The following RPS3 variants were observed in gnomAD, a reference collection of about 807,000 sequenced individuals.
The protein encoded by RPS3 is small ribosomal subunit protein uS3.
In RPS3, 2 loss-of-function variants were observed where a neutral mutation model predicts 25.8. The observed-to-expected ratio is 0.08, with a 90% confidence interval of 0.03 to 0.24. RPS3 has a LOEUF of 0.24. Ranked by LOEUF, RPS3 falls within the 10% of genes least tolerant of loss-of-function variation. The probability of loss-of-function intolerance (pLI) is 1.00; values close to 1 mark genes in which losing one functional copy is unlikely to be tolerated. For missense variants in RPS3, 107 were observed against 307.1 expected (o/e 0.35, Z 4.87); for synonymous variants, 114 against 114.2 (o/e 1.00, Z 0.01).
chr11:75,419,503 G>A lies in RPS3; in HGVS notation c.*4-2224G>A, dbSNP rs546988447. 2.8e-4 allele frequency among the ~76,000 whole-genome samples: 42 copies of A among 150,998 alleles called. No homozygotes were observed. The South Asian group carries it at 8.4e-3, about 30-fold the overall frequency. On this transcript the variant is annotated intron_variant, in intron 6 of 6. Coordinates refer to the RPS3 transcript ENST00000527446. Reference sequence around the variant, plus strand: ...CAAGAGGCGGAGGTTGCAGTGAGCTGAAATTGTGCCACTGCACTCCAGCCT... The same window carrying A: ...CAAGAGGCGGAGGTTGCAGTGAGCTAAAATTGTGCCACTGCACTCCAGCCT...
downstream of RPS3, among the ~76,000 whole-genome samples, chr11:75,408,015 C>T (rs111723869): frequency 1.3e-5 from 2 of 152,122 alleles, no homozygotes; most frequent in Middle Eastern, 3.4e-3. Flanking sequence ...AGATTATTAG[C>T]GTAATAGATT....
At chr11:75,411,584 G>C (rs1300652347), downstream of RPS3, among the ~76,000 whole-genome samples, 1 of 151,088 alleles carries the variant, frequency 6.6e-6, no homozygotes, top group Admixed American at 6.6e-5. Flanking sequence ...TAGAGACGGG[G>C]TTTCACCATG....
chr11:75,405,216 A>G (rs775176943), intron 6 of RPS3: 10 of 193,080 alleles, frequency 5.2e-5, no homozygotes, highest in Non-Finnish European at 9.6e-5. Context: ...AGCTGGGATT[A>G]TAGGCACCTG....
chr11:75,411,425 T>A (rs768655541), downstream of RPS3, among the ~76,000 whole-genome samples: 1 of 152,202 alleles, frequency 6.6e-6, no homozygotes, highest in Non-Finnish European at 1.5e-5. Flanking sequence ...AGTCTCGCTC[T>A]GTCGCCCAGG....
In RPS3 at chr11:75,406,512, T is replaced by C. The variant is rs1948289938; in HGVS notation, c.*902T>C. 1 of 152,224 alleles carries C rather than the reference T, an allele frequency of 6.6e-6. No individual in the cohort carries two copies. 9.4% of individuals were successfully genotyped at this position (152,224 alleles called of 1,614,324 possible). ...TAGCAGGTGCTGTGATGATTTGGTTTTCTTCTCAATTAGACTGAGCTGCAC... is the reference window on the plus strand; with the variant it reads ...TAGCAGGTGCTGTGATGATTTGGTTCTCTTCTCAATTAGACTGAGCTGCAC... On this transcript the variant is annotated 3_prime_UTR_variant, in exon 7 of 7. Transcript: ENST00000531188.
chr11:75,402,201 C>A (rs1056337945), intron 3 of RPS3, 151 bp from the exon 4 acceptor site: 3 of 1,134,746 alleles, frequency 2.6e-6, no homozygotes, highest in African/African-American at 1.5e-5. Flanking sequence ...TGTGTTGGGC[C>A]ACAATCAAAG....
chr11:75,411,348 A>C (rs1221093663), downstream of RPS3, among the ~76,000 whole-genome samples: 2 of 151,718 alleles, frequency 1.3e-5, no homozygotes, highest in African/African-American at 4.8e-5. Context: ...CTCCCTAGAC[A>C]GTATAATGAA....
At position 75,404,518 on chromosome 11, in the gene RPS3, C is replaced by T. The variant is rs367920666; in HGVS notation, c.539-154C>T. ...TGGTGCTGTGCACGAGTTCCTTTGG[C>T]AGAAGTGTCCTATTTATTGATCGAT... On this transcript the variant is annotated intron_variant, in intron 5 of 6. Transcript: ENST00000531188. The surrounding 1 kb of genome is among the most constrained non-coding windows in gnomAD (Gnocchi z 4.6). 1 of 841,504 alleles carries T rather than the reference C, an allele frequency of 1.2e-6. No individual in the cohort carries two copies. The highest frequency in any genetic ancestry group is 2.1e-6 in the Non-Finnish European group (1 of 475,268). 52.1% of individuals were successfully genotyped at this position (841,504 alleles called of 1,614,324 possible).
chr11:75,409,142 T>C (rs1948317435), downstream of RPS3, among the ~76,000 whole-genome samples: 1 of 151,826 alleles, frequency 6.6e-6, no homozygotes, highest in South Asian at 2.1e-4. Flanking sequence ...CCACCATCTC[T>C]GACTAATTTT....
At chr11:75,408,610 C>A (rs1172704897), downstream of RPS3, among the ~76,000 whole-genome samples, 4 of 152,138 alleles carry the variant, frequency 2.6e-5, no homozygotes, top group African/African-American at 9.7e-5. Context: ...GACAGTCTTG[C>A]TCTGTCGCCC....
chr11:75,404,494 G>A lies in RPS3; in HGVS notation c.539-178G>A. 1.2e-6 allele frequency: 1 copy of A among 804,144 alleles called. No individual in the cohort carries two copies. The allele number at this position is 804,144 out of a possible 1,614,324, so 49.8% of individuals were successfully genotyped here. On this transcript the variant is annotated intron_variant, in intron 5 of 6. Coordinates refer to ENST00000531188, the MANE Select transcript of RPS3 (RefSeq NM_001005.5). This position sits in a 1 kb window ranked among gnomAD's most constrained non-coding sequence, Gnocchi z 4.6. ...GGTCCTTGTCAGTGCCATGTTCTGT[G>A]GTGCTGTGCACGAGTTCCTTTGGCA...
Position 75,401,673 on chromosome 11 carries a change from G to C in RPS3, c.195G>C (p.Arg65=). The C allele has an allele frequency of 6.2e-7, 1 of 1,613,722 alleles. No homozygotes were observed. The part of the protein sequence containing the change: ...TQNVLGEKGR[R]IRELTAVVQK... Reference sequence around the variant, plus strand: ...ATGTTCTTGGTGAGAAGGGCCGGCGGATTCGGGAACTGACTGCTGTAGTTC... The same window carrying C: ...ATGTTCTTGGTGAGAAGGGCCGGCGCATTCGGGAACTGACTGCTGTAGTTC... The change falls in exon 3 of 7, where the codon CGG becomes CGC. Residue 65 remains arginine (R), a synonymous_variant. Transcript: ENST00000531188.
chr11:75,414,606 CAAA>C (rs11362367), intron 6 of RPS3, among the ~76,000 whole-genome samples: 3 of 144,540 alleles, frequency 2.1e-5, no homozygotes, highest in African/African-American at 5.0e-5. Flanking sequence ...GCGAGACTCT[CAAA>C]AAAAAAAAAA....
chr11:75,399,568 G>A lies in RPS3; in HGVS notation c.21G>A (p.Lys7=), dbSNP rs1333239827. 1.2e-6 allele frequency: 2 copies of A among 1,613,946 alleles called. No individual in the cohort carries two copies. The highest frequency in any genetic ancestry group is 1.1e-5 in the South Asian group (1 of 91,060). The change falls in exon 1 of 7, where the codon AAG becomes AAA. Residue 7 remains lysine (K), a synonymous_variant. Transcript: ENST00000531188. The part of the protein sequence containing the change: MAVQIS[K]KRKFVADGIF... ...GCAAGATGGCAGTGCAAATATCCAA[G>A]AAGAGGAAGGTGAGCCTCTGGGGAC...
chr11:75,421,793 A>C (rs1442769041), exon 7 of RPS3: 1 of 152,176 alleles, frequency 6.6e-6, no homozygotes, highest in Non-Finnish European at 1.5e-5. Context: ...GATAATCTCA[A>C]ATTTAAGGAC....
intron 6 of RPS3, among the ~76,000 whole-genome samples, chr11:75,415,217 T>C (rs1239080003): frequency 6.6e-6 from 1 of 152,220 alleles, no homozygotes; most frequent in Non-Finnish European, 1.5e-5. Context: ...TGGGATCAAA[T>C]TCTGGCACCA....
In RPS3 at chr11:75,400,696, T is replaced by C; in HGVS notation, c.33T>C (p.Phe11=). MAVQISKKRK[F]VADGIFKAEL... ...GAACTTTGCTTTGTTTGGATTAGTT[T>C]GTCGCTGATGGCATCTTCAAAGCTG... Residue 11 remains phenylalanine (F), a splice_region_variant and synonymous_variant, in exon 2 of 7, where the codon TTT becomes TTC. Transcript: ENST00000531188. The C allele has an allele frequency of 6.2e-7, 1 of 1,612,248 alleles. No individual in the cohort carries two copies. The highest frequency in any genetic ancestry group is 2.2e-5 in the East Asian group (1 of 44,822).
At chr11:75,410,099 CG>C (rs1351099193), downstream of RPS3, among the ~76,000 whole-genome samples, 1 of 137,008 alleles carries the variant, frequency 7.3e-6, no homozygotes, top group African/African-American at 2.9e-5. Flanking sequence ...CCGGACTGGG[CG>C]GCTGGCCGGG....
At chr11:75,409,249 G>T (rs1301210365), downstream of RPS3, among the ~76,000 whole-genome samples, 1 of 144,800 alleles carries the variant, frequency 6.9e-6, no homozygotes, top group Non-Finnish European at 1.5e-5. Context: ...ATTTGGCAGG[G>T]TCATAGGACA....
Sources: gnomAD v4.1 joint callset for allele counts (sites outside exome capture counted in the v4.1 genomes callset) on GRCh38, gnomAD v4.1.1 for gene constraint, Gnocchi (gnomAD v3.1) non-coding constraint, MANE v1.5 for transcripts, NCBI Gene and HGNC (gene_info 2026-07-23, HGNC 2026-07-21) for gene names.